The following USH2A variants were observed in gnomAD, a reference collection of about 807,000 sequenced individuals.
USH2A encodes the protein usherin.
A neutral mutation model predicts 538.9 loss-of-function variants in USH2A; 443 were observed. The observed-to-expected ratio is 0.82, with a 90% CI of 0.76 to 0.89. The LOEUF is 0.89. Among genes scored for constraint, USH2A ranks in the 40% least tolerant of loss-of-function variants. The pLI, the probability that USH2A is intolerant of heterozygous loss-of-function variation, is 0.00. For missense variants in USH2A, 6,633 were observed against 6,324.8 expected, an observed-to-expected ratio of 1.05 and a Z score of -1.65; for synonymous variants, 2,413 against 2,273.5, an observed-to-expected ratio of 1.06 and a Z score of -1.75.
rs2102621155 is a variant in USH2A, at chr1:215,625,709, G to A, written c.*72C>T. 7.4e-7 allele frequency: 1 copy of A among 1,355,792 alleles called. No individual in the cohort carries two copies. Among genetic ancestry groups the A allele is most frequent in the Non-Finnish European group, 1.1e-6 (1 of 945,132 alleles). 84.0% of individuals were successfully genotyped at this position (1,355,792 alleles called of 1,614,324 possible). On this transcript the variant is annotated 3_prime_UTR_variant, in exon 72 of 72. Transcript: ENST00000307340. ...AATGGCTTTTCAGCATTTATGATGT[G>A]TGAGTGATAACCCAGGAGGAAATGG... is the stretch of plus-strand genomic sequence containing the variant.
chr1:215,883,137 G>C (rs1172369914), intron 41 of USH2A, among the ~76,000 whole-genome samples: 1 of 151,954 alleles, frequency 6.6e-6, no homozygotes, highest in Non-Finnish European at 1.5e-5. Context: ...TTTATGTGAG[G>C]TATGAATGAA....
At chr1:216,270,569 C>T (rs1571643546) in intron 11 of USH2A, among the ~76,000 whole-genome samples, 1 of 152,250 alleles carries the variant, frequency 6.6e-6, no homozygotes, top group East Asian at 1.9e-4. Context: ...ACTACACTAG[C>T]AACACCTCCC....
chr1:215,715,984 G>A (rs1659471881), intron 61 of USH2A, among the ~76,000 whole-genome samples: 1 of 152,214 alleles, frequency 6.6e-6, no homozygotes, highest in South Asian at 2.1e-4. Flanking sequence ...ATGGTAAAAT[G>A]CGGTTTAGCA....
intron 39 of USH2A, among the ~76,000 whole-genome samples, 184 bp downstream of exon 39, chr1:215,900,571 G>A (rs1665466323): frequency 6.6e-6 from 1 of 152,146 alleles, no homozygotes; most frequent in Admixed American, 6.6e-5. Context: ...TACTTTAAAT[G>A]CTACATAAAT....
At chr1:216,146,124 T>C (rs1172807283) in intron 21 of USH2A, among the ~76,000 whole-genome samples, 3 of 152,024 alleles carry the variant, frequency 2.0e-5, no homozygotes, top group Non-Finnish European at 2.9e-5. Flanking sequence ...CTCTTTGCTC[T>C]GTGAGAAAGA....
chr1:215,805,708 G>A (rs1308366759), intron 49 of USH2A, among the ~76,000 whole-genome samples: 1 of 151,952 alleles, frequency 6.6e-6, no homozygotes, highest in African/African-American at 2.4e-5. Flanking sequence ...AGTGAAGAAG[G>A]TATCATAACT....
chr1:216,199,498 C>G, intron 17 of USH2A, 129 bp downstream of exon 17: 1 of 1,361,242 alleles, frequency 7.3e-7, no homozygotes, highest in South Asian at 1.2e-5. Context: ...TCTTTAGAAA[C>G]TGTTTCTCAA....
intron 64 of USH2A, among the ~76,000 whole-genome samples, chr1:215,657,922 C>T (rs1258132122): frequency 7.8e-6 from 1 of 128,230 alleles, no homozygotes; most frequent in Non-Finnish European, 1.6e-5. Flanking sequence ...CTGAAATTTG[C>T]CCTGATTTTT....
rs1558146559 is a variant in USH2A at position 215,888,887 on chromosome 1, T to C, written c.7762A>G (p.Met2588Val). 1 of 1,614,126 alleles carries C rather than the reference T, an allele frequency of 6.2e-7. No homozygotes were observed. The highest frequency in any genetic ancestry group is 1.1e-5 in the South Asian group (1 of 91,080). ...TPGNVTNCTVMHLHPYTAYKF... is the reference protein window; with the variant it reads ...TPGNVTNCTVVHLHPYTAYKF... ...TAGGCAGTGTATGGGTGTAAATGCA[T>C]CACTGTGCAATTAGTGACATTTCCA... The change falls in exon 41 of 72, where the codon ATG (methionine) becomes GTG (valine). Residue 2588 changes from methionine (M) to valine (V), a missense_variant. Transcript: ENST00000307340.
At chr1:215,670,296 C>T (rs573848771) in intron 64 of USH2A, among the ~76,000 whole-genome samples, 13 of 152,246 alleles carry the variant, frequency 8.5e-5, no homozygotes, top group East Asian at 7.7e-4. Context: ...ACTCCCACCA[C>T]GCCTGAGCAA....
At chr1:216,039,153 C>T (rs529675139) in intron 32 of USH2A, among the ~76,000 whole-genome samples, 13 of 152,022 alleles carry the variant, frequency 8.6e-5, no homozygotes. Context: ...TTCATTTGAC[C>T]CTTTGTTGCT....
chr1:216,123,728 A>G (rs1179941742), intron 21 of USH2A, among the ~76,000 whole-genome samples: 1 of 152,232 alleles, frequency 6.6e-6, no homozygotes, highest in African/African-American at 2.4e-5. Flanking sequence ...AAATTATTAG[A>G]AAGAACAAGA....
intron 61 of USH2A, among the ~76,000 whole-genome samples, chr1:215,711,054 G>T (rs537529884): frequency 6.6e-5 from 10 of 151,940 alleles, no homozygotes; most frequent in African/African-American, 2.4e-4. Context: ...TGTACGTTTT[G>T]CAATAAGAGA....
intron 61 of USH2A, among the ~76,000 whole-genome samples, 186 bp from the exon 62 acceptor site, chr1:215,680,562 A>G (rs753071210): frequency 4.6e-5 from 7 of 152,132 alleles, no homozygotes; most frequent in Non-Finnish European, 8.8e-5. Flanking sequence ...GACACCGTGA[A>G]TATATTACCC....
intron 4 of USH2A, among the ~76,000 whole-genome samples, chr1:216,341,075 T>C (rs1168751626): frequency 6.6e-6 from 1 of 152,116 alleles, no homozygotes; most frequent in South Asian, 2.1e-4. Flanking sequence ...GCAGGCGACA[T>C]GATTCTATAT....
chr1:216,124,335 C>T (rs1039980125), intron 21 of USH2A, among the ~76,000 whole-genome samples: 1 of 151,892 alleles, frequency 6.6e-6, no homozygotes, highest in Non-Finnish European at 1.5e-5. Flanking sequence ...TGACAGAAAA[C>T]ACAGTAAGTT....
intron 47 of USH2A, among the ~76,000 whole-genome samples, chr1:215,824,529 C>T (rs1663101557): frequency 6.6e-6 from 1 of 152,012 alleles, no homozygotes; most frequent in African/African-American, 2.4e-5. Context: ...AGGATTGGTG[C>T]CCAGGAAACC....
chr1:215,798,984 C>T lies in USH2A; in HGVS notation c.9881G>A (p.Cys3294Tyr). ...GRLHDGHGQK[C>Y]CGRQIVSNDL... ...GTTGCTCACAATCTGTCTGCCACAG[C>T]ACTTCTGGCCATGGCCATCATGAAG... Residue 3294 changes from cysteine to tyrosine, a missense_variant, in exon 50 of 72, where the codon TGC becomes TAC. By Grantham distance (194) the Cys-to-Tyr change is radical (BLOSUM62 -2). Coordinates refer to ENST00000307340, the MANE Select transcript of USH2A (RefSeq NM_206933.4). 6.2e-7 allele frequency: 1 copy of T among 1,614,148 alleles called. No individual in the cohort carries two copies. The highest frequency in any genetic ancestry group is 8.5e-7 in the Non-Finnish European group (1 of 1,180,004).
At chr1:215,886,515 TATAAG>T (rs1335101190) in intron 41 of USH2A, 4 of 152,222 alleles carry the variant, frequency 2.6e-5, no homozygotes, top group East Asian at 1.9e-4. Context: ...ATTTCCTAGT[TATAAG>T]ATGAGAATAA....
Sources: allele counts gnomAD v4.1 joint callset (sites outside exome capture counted in the v4.1 genomes callset), GRCh38; gene constraint gnomAD v4.1.1; transcripts MANE v1.5; gene names NCBI Gene and HGNC (gene_info 2026-07-23, HGNC 2026-07-21).